Variants in UBASH3B observed in about 807,000 individuals in gnomAD.
UBASH3B encodes ubiquitin-associated and SH3 domain-containing protein B.
In UBASH3B, 37 loss-of-function variants were observed where a neutral mutation model predicts 83.4. The observed-to-expected ratio is 0.44, with a 90% CI of 0.34 to 0.58. The LOEUF (loss-of-function observed/expected upper bound fraction) is 0.58, where lower values mean the gene tolerates loss of function less well. Among genes scored for constraint, UBASH3B ranks in the 20% least tolerant of loss-of-function variants. UBASH3B has a pLI of 0.01. For missense variants in UBASH3B, 657 were observed against 827.2 expected, an observed-to-expected ratio of 0.79 and a Z score of 2.52; for synonymous variants, 304 against 318.3, an observed-to-expected ratio of 0.96 and a Z score of 0.48.
intron 12 of UBASH3B, among the ~76,000 whole-genome samples, chr11:122,807,649 C>G (rs1209844252): frequency 1.3e-5 from 2 of 152,132 alleles, no homozygotes; most frequent in African/African-American, 4.8e-5. Flanking sequence ...CTCCTGGGCT[C>G]AAGTGATCCT....
At chr11:122,774,356 G>C in intron 1 of UBASH3B, 1 of 949,010 alleles carries the variant, frequency 1.1e-6, no homozygotes, top group Non-Finnish European at 1.3e-6. Context: ...ACTTTCATAG[G>C]GGAAGGGGAT....
At chr11:122,773,444 G>A (rs1352923774) in intron 1 of UBASH3B, among the ~76,000 whole-genome samples, 5 of 152,342 alleles carry the variant, frequency 3.3e-5, no homozygotes, top group African/African-American at 1.2e-4. Flanking sequence ...CTGGAGAATT[G>A]CACACCCCTG....
Position 122,753,559 on chromosome 11 carries a change from C to A in UBASH3B, c.162-22660C>A, listed in dbSNP as rs188276757. Reference sequence around the variant, plus strand: ...TGTCGCCCAGGCTGGAGTGAAATGGCGAACTCAGCTCACTGCAACCTCCTC... The same window carrying A: ...TGTCGCCCAGGCTGGAGTGAAATGGAGAACTCAGCTCACTGCAACCTCCTC... On this transcript the variant is annotated intron_variant, in intron 1 of 13. Coordinates refer to ENST00000284273, the MANE Select transcript of UBASH3B (RefSeq NM_032873.5). 1.9e-3 allele frequency among the ~76,000 whole-genome samples: 265 copies of A among 137,786 alleles called. 1 individual carries two copies. Among genetic ancestry groups the A allele is most frequent in the Non-Finnish European group, 2.8e-3 (186 of 65,558 alleles). 90.4% of individuals were successfully genotyped at this position (137,786 alleles called of 152,430 possible). A position where few individuals can be genotyped will look rare whatever the true frequency, so the allele number is the denominator to read the frequency against.
chr11:122,768,466 A>AGGTGTGTG (rs745861229), intron 1 of UBASH3B, among the ~76,000 whole-genome samples: 12 of 129,038 alleles, frequency 9.3e-5, no homozygotes, highest in South Asian at 2.7e-4. Flanking sequence ...AGAGATATAT[A>AGGTGTGTG]TGTATGTGTG....
intron 1 of UBASH3B, among the ~76,000 whole-genome samples, chr11:122,768,192 A>G (rs1309996692): frequency 2.6e-5 from 4 of 152,048 alleles, no homozygotes; most frequent in African/African-American, 9.7e-5. Flanking sequence ...TGCTTAACTG[A>G]GAAAGTACAG....
intron 1 of UBASH3B, among the ~76,000 whole-genome samples, chr11:122,688,447 T>C (rs1863835933): frequency 8.7e-6 from 1 of 115,386 alleles, no homozygotes; most frequent in South Asian, 2.7e-4. Context: ...TTTTGTGGTT[T>C]GTTTGTTTTT....
intron 1 of UBASH3B, among the ~76,000 whole-genome samples, chr11:122,713,814 CATGGGAATCTGT>C (rs1187515917): frequency 6.6e-6 from 1 of 151,478 alleles, no homozygotes; most frequent in Admixed American, 6.6e-5. Context: ...TCTTGGGGAA[CATGGGAATCTGT>C]ATTTTTACTG....
chr11:122,765,778 T>C (rs189407098), intron 1 of UBASH3B, among the ~76,000 whole-genome samples: 59 of 152,298 alleles, frequency 3.9e-4, no homozygotes, highest in African/African-American at 1.3e-3. Flanking sequence ...AGCTCACGTA[T>C]GTTTTAAGTC....
chr11:122,773,337 C>T (rs1390812527), intron 1 of UBASH3B, among the ~76,000 whole-genome samples: 4 of 152,212 alleles, frequency 2.6e-5, no homozygotes, highest in Non-Finnish European at 4.4e-5. Flanking sequence ...TAGCCCAAAT[C>T]GATGCCAGCC....
At chr11:122,711,314 G>A (rs947982392) in intron 1 of UBASH3B, among the ~76,000 whole-genome samples, 1 of 152,134 alleles carries the variant, frequency 6.6e-6, no homozygotes, top group African/African-American at 2.4e-5. Context: ...GGAAAGAGAG[G>A]AGAGGTAATC....
chr11:122,697,615 T>A (rs1863979594), intron 1 of UBASH3B, among the ~76,000 whole-genome samples: 1 of 152,154 alleles, frequency 6.6e-6, no homozygotes, highest in Admixed American at 6.5e-5. Flanking sequence ...TTCTGGATCC[T>A]TTTTCCTCCA....
At chr11:122,712,896 G>GTTTTTTTTT (rs386375116) in intron 1 of UBASH3B, among the ~76,000 whole-genome samples, 8 of 64,524 alleles carry the variant, frequency 1.2e-4, no homozygotes, top group South Asian at 8.3e-4. Context: ...TCTCTGGGTG[G>GTTTTTTTTT]TTTTTTTTTT....
chr11:122,664,234 G>A (rs533007170), intron 1 of UBASH3B, among the ~76,000 whole-genome samples: 1 of 152,298 alleles, frequency 6.6e-6, no homozygotes, highest in African/African-American at 2.4e-5. Context: ...CACCACCCAA[G>A]CTGCTGACTA....
chr11:122,688,713 C>G (rs188997055), intron 1 of UBASH3B, among the ~76,000 whole-genome samples: 2 of 151,150 alleles, frequency 1.3e-5, no homozygotes, highest in Non-Finnish European at 2.9e-5. Context: ...AGTGCAATCT[C>G]GGCTCACTGC....
intron 1 of UBASH3B, among the ~76,000 whole-genome samples, chr11:122,690,041 A>G (rs1412533106): frequency 6.6e-6 from 1 of 151,182 alleles, no homozygotes; most frequent in Non-Finnish European, 1.5e-5. Context: ...AGGGTGGGAC[A>G]TTCTCTGGGG....
intron 8 of UBASH3B, among the ~76,000 whole-genome samples, chr11:122,796,540 G>A (rs982691123): frequency 4.6e-5 from 7 of 152,090 alleles, no homozygotes; most frequent in Non-Finnish European, 7.3e-5. Context: ...CAGCAGAAAC[G>A]TGCCCTGATC....
At chr11:122,779,114 G>A (rs186911500) in intron 3 of UBASH3B, among the ~76,000 whole-genome samples, 93 of 152,286 alleles carry the variant, frequency 6.1e-4, no homozygotes, top group African/African-American at 2.2e-3. Context: ...TATAGTCACT[G>A]TGCTGTACAA....
In UBASH3B at chr11:122,655,973, G is replaced by A. The variant is rs1253129334; in HGVS notation, c.-77G>A. Reference sequence around the variant, plus strand: ...TCTGGGTCCCCGAGCCCCCTCCCCTGGCCCAGCCCGACTCCCTCCTCCTTC... The same window carrying A: ...TCTGGGTCCCCGAGCCCCCTCCCCTAGCCCAGCCCGACTCCCTCCTCCTTC... On this transcript the variant is annotated 5_prime_UTR_variant, in exon 1 of 14. Coordinates refer to ENST00000284273, the MANE Select transcript of UBASH3B (RefSeq NM_032873.5). The A allele has an allele frequency of 1.5e-6, 2 of 1,311,366 alleles. No individual in the cohort carries two copies. The highest frequency in any genetic ancestry group is 9.9e-7 in the Non-Finnish European group (1 of 1,013,262). 81.2% of individuals were successfully genotyped at this position (1,311,366 alleles called of 1,614,324 possible).
chr11:122,782,846 A>G (rs1266356788), intron 4 of UBASH3B: 2 of 582,864 alleles, frequency 3.4e-6, no homozygotes, highest in South Asian at 4.6e-5. Context: ...TATGGTGGCT[A>G]TCTCTTGAAC....
Sources: allele counts gnomAD v4.1 joint callset (sites outside exome capture counted in the v4.1 genomes callset), GRCh38; gene constraint gnomAD v4.1.1; transcripts MANE v1.5; gene names NCBI Gene and HGNC (gene_info 2026-07-23, HGNC 2026-07-21).